The following DPP6 variants were observed in gnomAD, a reference collection of about 807,000 sequenced individuals.
DPP6 encodes dipeptidyl peptidase like 6, also known as A-type potassium channel modulatory protein DPP6.
A neutral mutation model predicts 122.6 loss-of-function variants in DPP6; 69 were observed. The ratio of observed to expected loss-of-function variants is 0.56; its 90% CI spans 0.46 to 0.69. DPP6 has a LOEUF of 0.69. Ranked by LOEUF, DPP6 falls within the 30% of genes least tolerant of loss-of-function variation. The pLI is 0.00. For missense variants in DPP6, 928 were observed against 1,116.9 expected, an observed-to-expected ratio of 0.83 and a Z score of 2.41; for synonymous variants, 418 against 433.1, an observed-to-expected ratio of 0.97 and a Z score of 0.43.
At chr7:154,703,373 C>T (rs995697411) in intron 7 of DPP6, among the ~76,000 whole-genome samples, 10 of 152,146 alleles carry the variant, frequency 6.6e-5, no homozygotes, top group Admixed American at 5.9e-4. Flanking sequence ...AATCCCAGCA[C>T]TTTGGGAGGC....
chr7:153,961,876 C>T (rs986026688), intron 1 of DPP6, among the ~76,000 whole-genome samples: 2 of 138,448 alleles, frequency 1.4e-5, no homozygotes, highest in African/African-American at 5.8e-5. Flanking sequence ...AGGCAGAGCT[C>T]AGGCAGTAAT....
chr7:154,789,107 G>A (rs1797515950), intron 10 of DPP6, among the ~76,000 whole-genome samples: 1 of 152,186 alleles, frequency 6.6e-6, no homozygotes, highest in African/African-American at 2.4e-5. Context: ...CCTGGCCACA[G>A]ACAAAGGGTG....
chr7:153,783,751 A>C, the DPP6 span, among the ~76,000 whole-genome samples: 1 of 152,236 alleles, frequency 6.6e-6, no homozygotes. Flanking sequence ...AAAACTGAGT[A>C]TGTCCATACC....
chr7:154,397,173 G>C (rs2151177904), intron 1 of DPP6, among the ~76,000 whole-genome samples: 1 of 150,104 alleles, frequency 6.7e-6, no homozygotes, highest in South Asian at 2.1e-4. Context: ...AATCTAATAA[G>C]ATTATTTTAA....
intron 1 of DPP6, among the ~76,000 whole-genome samples, chr7:154,255,923 A>G (rs752817097): frequency 1.6e-4 from 24 of 152,194 alleles, no homozygotes; most frequent in Non-Finnish European, 3.5e-4. Context: ...TTGTTTCAAC[A>G]CCTATAAAAT....
intron 18 of DPP6, among the ~76,000 whole-genome samples, chr7:154,869,245 C>T (rs985875205): frequency 2.6e-5 from 4 of 152,156 alleles, no homozygotes; most frequent in South Asian, 4.1e-4. Flanking sequence ...CTAGGGTATT[C>T]GCTGGCAGCC....
intron 3 of DPP6, among the ~76,000 whole-genome samples, chr7:154,519,521 A>G (rs2129943265): frequency 6.6e-6 from 1 of 152,358 alleles, no homozygotes; most frequent in South Asian, 2.1e-4. Context: ...ATAAATGGGC[A>G]AGTCGGAAGG....
intron 1 of DPP6, among the ~76,000 whole-genome samples, chr7:154,338,697 A>G (rs1044518071): frequency 2.6e-5 from 4 of 152,202 alleles, no homozygotes; most frequent in African/African-American, 9.7e-5. Context: ...CAGCTTCTTT[A>G]CAAATGTCTG....
chr7:154,802,040 C>T (rs1323191267), intron 13 of DPP6, among the ~76,000 whole-genome samples: 1 of 152,038 alleles, frequency 6.6e-6, no homozygotes, highest in African/African-American at 2.4e-5. Flanking sequence ...TCGGGGTCAC[C>T]ATCTCCTGAA....
At chr7:154,613,159 C>G (rs749235880) in intron 5 of DPP6, among the ~76,000 whole-genome samples, 1 of 152,182 alleles carries the variant, frequency 6.6e-6, no homozygotes, top group South Asian at 2.1e-4. Flanking sequence ...AGCTCCTTAT[C>G]CATCAGGGGG....
At chr7:154,708,204 A>G (rs1331864358) in intron 7 of DPP6, among the ~76,000 whole-genome samples, 1 of 152,200 alleles carries the variant, frequency 6.6e-6, no homozygotes, top group Admixed American at 6.5e-5. Flanking sequence ...ATACATACAT[A>G]TGTTATTAAC....
At chr7:153,773,762 T>G in the DPP6 span, among the ~76,000 whole-genome samples, 1 of 149,512 alleles carries the variant, frequency 6.7e-6, no homozygotes, top group East Asian at 2.0e-4. Context: ...AGAAAGATCT[T>G]AAATCAATCA....
chr7:153,899,816 TCA>T (rs1195611194), intron 1 of DPP6, among the ~76,000 whole-genome samples: 2 of 152,248 alleles, frequency 1.3e-5, no homozygotes, highest in Non-Finnish European at 2.9e-5. Context: ...AGGTGTGTAC[TCA>T]CATGCGTATT....
chr7:154,661,626 G>A (rs34251306), intron 6 of DPP6, among the ~76,000 whole-genome samples: 38 of 41,594 alleles, frequency 9.1e-4, no homozygotes, highest in East Asian at 2.6e-3. Context: ...TCACCATGGC[G>A]TATTGGCCGT....
At chr7:153,762,170 T>C in the DPP6 span, among the ~76,000 whole-genome samples, 1 of 152,194 alleles carries the variant, frequency 6.6e-6, no homozygotes, top group Non-Finnish European at 1.5e-5. Flanking sequence ...TACATAACAT[T>C]TTCTATGTTT....
rs182508122 is a variant in DPP6 at position 154,264,516 on chromosome 7, T to C, written c.244-181698T>C. On this transcript the variant is annotated intron_variant, in intron 1 of 25. Transcript: ENST00000377770. ...ATGGGTAATAACAATGTCTGTCTTG[T>C]AGGATTACTGTAAAGATGAAAATTG... Among the ~76,000 whole-genome samples the C allele has an allele frequency of 1.1e-4, 17 of 152,310 alleles. No individual in the cohort carries two copies. The East Asian group carries it at 3.3e-3, about 29-fold the overall frequency.
rs190406767 is a variant in DPP6 at position 154,843,600 on chromosome 7, C to T, written c.1667-10180C>T. Among the ~76,000 whole-genome samples the T allele has an allele frequency of 1.4e-4, 21 of 152,252 alleles. No homozygotes were observed. In the East Asian group the frequency reaches 3.7e-3, roughly 27 times the overall value. Reference sequence around the variant, plus strand: ...GTATCCCCATCACAGAGAGTTGTGACGAGGTTGAGAGAATGTCTCTAAGAG... The same window carrying T: ...GTATCCCCATCACAGAGAGTTGTGATGAGGTTGAGAGAATGTCTCTAAGAG... On this transcript the variant is annotated intron_variant, in intron 16 of 25. Transcript: ENST00000377770.
At chr7:154,810,047 G>T (rs1436382998) in intron 16 of DPP6, among the ~76,000 whole-genome samples, 1 of 152,182 alleles carries the variant, frequency 6.6e-6, no homozygotes, top group Non-Finnish European at 1.5e-5. Flanking sequence ...GTAAAGACAG[G>T]GTTTTGCCAT....
chr7:154,387,198 T>C (rs1350039915), intron 1 of DPP6, among the ~76,000 whole-genome samples: 5 of 152,132 alleles, frequency 3.3e-5, no homozygotes, highest in Non-Finnish European at 4.4e-5. Context: ...ACCTACATCA[T>C]TCATAGAGGC....
Sources: allele counts gnomAD v4.1 joint callset (sites outside exome capture counted in the v4.1 genomes callset), GRCh38; gene constraint gnomAD v4.1.1; transcripts MANE v1.5; gene names NCBI Gene and HGNC (gene_info 2026-07-23, HGNC 2026-07-21).